B4GALT5: variants seen among roughly 807,000 people sequenced by gnomAD.
B4GALT5 encodes the protein UDP-Gal:beta-GlcNAc beta-1,4-galactosyltransferase 5.
A neutral mutation model predicts 45.0 loss-of-function variants in B4GALT5; 11 were observed. The observed-to-expected ratio is 0.24, with a 90% CI of 0.15 to 0.40. The LOEUF is 0.40. Among genes scored for constraint, B4GALT5 ranks in the 10% least tolerant of loss-of-function variants. The pLI is 1.00. For missense variants in B4GALT5, 337 were observed against 500.2 expected (o/e 0.67, Z 3.11); for synonymous variants, 185 against 182.9 (o/e 1.01, Z -0.09).
chr20:49,633,609 T>A lies in B4GALT5; in HGVS notation c.*2703A>T, dbSNP rs1355456216. On this transcript the variant is annotated 3_prime_UTR_variant, in exon 9 of 9. Transcript: ENST00000371711. ...AGACACAGACATGACCGCAAAGGTA[T>A]CAAAGTGACCCCACTTTAAGCAGTG... The A allele has an allele frequency of 1.3e-5, 2 of 152,160 alleles. No individual in the cohort carries two copies. The highest frequency in any genetic ancestry group is 4.8e-5 in the African/African-American group (2 of 41,424). 9.4% of individuals were successfully genotyped at this position (152,160 alleles called of 1,614,324 possible).
chr20:49,680,442 G>T lies in B4GALT5; in HGVS notation c.116-23740C>A, dbSNP rs1259512437. On this transcript the variant is annotated intron_variant, in intron 1 of 8. Coordinates refer to ENST00000371711, the MANE Select transcript of B4GALT5 (RefSeq NM_004776.4). The stretch of plus-strand genomic sequence containing the variant: ...TTAAAAAATTTAAACTTAAAAAGCA[G>T]TGAAACATGCTGTAACATAGATGAA... 2.6e-5 allele frequency among the ~76,000 whole-genome samples: 4 copies of T among 152,326 alleles called. No homozygotes were observed. The East Asian group carries it at 7.7e-4, about 29-fold the overall frequency.
rs749982554 is a variant in B4GALT5, at chr20:49,633,494, T to TA, written c.*2817dup. ...TATTAACAGCACACGGGCCTGGCTG[T>TA]ACGTTTTTAACTATGACATTTCCCA... On this transcript the variant is annotated 3_prime_UTR_variant, in exon 9 of 9. Transcript: ENST00000371711. The TA allele has an allele frequency of 3.3e-5, 5 of 151,446 alleles. No individual in the cohort carries two copies. The highest frequency in any genetic ancestry group is 7.4e-5 in the Non-Finnish European group (5 of 67,936). The allele number at this position is 151,446 out of a possible 1,614,324, so 9.4% of individuals were successfully genotyped here. A position where few individuals can be genotyped will look rare whatever the true frequency, so the allele number is the denominator to read the frequency against.
At chr20:49,647,741 C>G (rs910060307) in intron 2 of B4GALT5, among the ~76,000 whole-genome samples, 1 of 152,170 alleles carries the variant, frequency 6.6e-6, no homozygotes, top group African/African-American at 2.4e-5. Flanking sequence ...TTCACCAAGA[C>G]ATTTCCTCCT....
intron 1 of B4GALT5, among the ~76,000 whole-genome samples, chr20:49,682,361 A>G (rs1208679839): frequency 6.6e-6 from 1 of 152,172 alleles, no homozygotes; most frequent in Admixed American, 6.5e-5. Context: ...GGCCCTTCGC[A>G]GAGCAAGTCT....
In B4GALT5 at chr20:49,650,855, T is replaced by A. The variant is rs368777939; in HGVS notation, c.251-3777A>T. ...TAACTTCTTACTCTTCTAAAGCATG[T>A]ACCTACTGAATGAGGAAAATGCTGA... On this transcript the variant is annotated intron_variant, in intron 2 of 8. Transcript: ENST00000371711. 1.2e-3 allele frequency among the ~76,000 whole-genome samples: 180 copies of A among 152,324 alleles called. 3 individuals are homozygous for A. The South Asian group carries it at 0.024, about 20-fold the overall frequency.
chr20:49,667,178 T>C (rs2085694252), intron 1 of B4GALT5, among the ~76,000 whole-genome samples: 1 of 152,120 alleles, frequency 6.6e-6, no homozygotes, highest in Non-Finnish European at 1.5e-5. Context: ...AATCCACAGC[T>C]ACTATGCTGC....
intron 1 of B4GALT5, among the ~76,000 whole-genome samples, chr20:49,702,567 C>T (rs6095612): frequency 6.6e-6 from 1 of 152,078 alleles, no homozygotes; most frequent in African/African-American, 2.4e-5. Context: ...TAAAGAACTC[C>T]TAACAGGCCG....
intron 2 of B4GALT5, among the ~76,000 whole-genome samples, chr20:49,648,716 T>G (rs1439460555): frequency 1.3e-5 from 2 of 151,986 alleles, no homozygotes; most frequent in Non-Finnish European, 2.9e-5. Flanking sequence ...ATATGAAGAG[T>G]GTGATGGCAG....
At chr20:49,648,154 T>C (rs765777786) in intron 2 of B4GALT5, among the ~76,000 whole-genome samples, 32 of 152,202 alleles carry the variant, frequency 2.1e-4, no homozygotes, top group Non-Finnish European at 4.1e-4. Flanking sequence ...CCAGTGTCAA[T>C]ATCTTTGGGT....
intron 4 of B4GALT5, 32 bp from the exon 5 acceptor site, chr20:49,642,616 T>C: frequency 6.7e-7 from 1 of 1,503,288 alleles, no homozygotes; most frequent in South Asian, 1.1e-5. Flanking sequence ...GAAGCACAGT[T>C]AGGACTCTCA....
At chr20:49,675,607 G>A (rs572909781) in intron 1 of B4GALT5, among the ~76,000 whole-genome samples, 2 of 151,986 alleles carry the variant, frequency 1.3e-5, no homozygotes, top group East Asian at 1.9e-4. Flanking sequence ...CTAGGGGCTC[G>A]GTGCACAAGG....
intron 1 of B4GALT5, among the ~76,000 whole-genome samples, chr20:49,662,318 G>T (rs1308532139): frequency 6.6e-6 from 1 of 151,968 alleles, no homozygotes; most frequent in Non-Finnish European, 1.5e-5. Flanking sequence ...CCTCTGCTTT[G>T]GTTTTCTACT....
intron 1 of B4GALT5, among the ~76,000 whole-genome samples, chr20:49,701,981 C>T (rs1568735142): frequency 6.6e-6 from 1 of 152,180 alleles, no homozygotes; most frequent in Non-Finnish European, 1.5e-5. Context: ...AGGAGAATCA[C>T]TTGAACCTAG....
intron 1 of B4GALT5, among the ~76,000 whole-genome samples, chr20:49,668,367 A>G (rs1406567371): frequency 6.6e-6 from 1 of 152,074 alleles, no homozygotes; most frequent in Admixed American, 6.6e-5. Flanking sequence ...CAGATACTAG[A>G]TGGCTGGGTA....
At chr20:49,669,695 T>G (rs983790974) in intron 1 of B4GALT5, among the ~76,000 whole-genome samples, 1 of 94,372 alleles carries the variant, frequency 1.1e-5, no homozygotes, top group Non-Finnish European at 2.1e-5. Context: ...AAACTCCACC[T>G]CAAAAAAAAA....
In B4GALT5 at chr20:49,637,365, CGAT is replaced by C; in HGVS notation, c.992_994del (p.His331del). 6.2e-7 allele frequency: 1 copy of C among 1,614,074 alleles called. No individual in the cohort carries two copies. Among genetic ancestry groups the C allele is most frequent in the Non-Finnish European group, 8.5e-7 (1 of 1,179,998 alleles). On this transcript the variant is annotated inframe_deletion, in exon 8 of 9. Coordinates refer to ENST00000371711, the MANE Select transcript of B4GALT5 (RefSeq NM_004776.4). ...CCTTCCAAGAAACTGGACTTCTCCT[CGAT>C]GGTGATGAGGAATGGACTTGTACTT...
intron 1 of B4GALT5, among the ~76,000 whole-genome samples, chr20:49,674,266 T>C (rs1841544051): frequency 1.3e-5 from 2 of 149,228 alleles, no homozygotes; most frequent in Admixed American, 6.7e-5. Flanking sequence ...AAAAGTTTGG[T>C]TTGGGATGTA....
rs1311709242 is a variant in B4GALT5, at chr20:49,635,229, GC to G, written c.*1082del. 4 of 114,036 alleles carry G rather than the reference GC, an allele frequency of 3.5e-5. No homozygotes were observed. The highest frequency in any genetic ancestry group is 1.4e-4 in the African/African-American group (4 of 28,250). The allele number at this position is 114,036 out of a possible 1,614,324, so 7.1% of individuals were successfully genotyped here. A position where few individuals can be genotyped will look rare whatever the true frequency, so the allele number is the denominator to read the frequency against. ...GGGAGGGATTCCCATACACACCCCCGCCCCCCGCCCCCCGCCCCGCCATGCT... is the reference window on the plus strand; with the variant it reads ...GGGAGGGATTCCCATACACACCCCCGCCCCCGCCCCCCGCCCCGCCATGCT... On this transcript the variant is annotated 3_prime_UTR_variant, in exon 9 of 9. Coordinates refer to ENST00000371711, the MANE Select transcript of B4GALT5 (RefSeq NM_004776.4).
At chr20:49,644,032 A>G (rs1472819455) in intron 3 of B4GALT5, among the ~76,000 whole-genome samples, 1 of 142,090 alleles carries the variant, frequency 7.0e-6, no homozygotes, top group African/African-American at 2.6e-5. Flanking sequence ...GGTTCAAGCA[A>G]TTCTCCTGCC....
Sources: gnomAD v4.1 joint callset for allele counts (sites outside exome capture counted in the v4.1 genomes callset) on GRCh38, gnomAD v4.1.1 for gene constraint, MANE v1.5 for transcripts, NCBI Gene and HGNC (gene_info 2026-07-23, HGNC 2026-07-21) for gene names.